Variants in RALYL observed in about 807,000 individuals in gnomAD.
RALYL encodes the protein RALY RNA binding protein like, also known as RNA-binding Raly-like protein.
A neutral mutation model predicts 35.1 loss-of-function variants in RALYL; 29 were observed. The ratio of observed to expected loss-of-function variants is 0.83; its 90% CI spans 0.61 to 1.13. The LOEUF (loss-of-function observed/expected upper bound fraction) is 1.13, where lower values mean the gene tolerates loss of function less well. RALYL is among the 50% of genes most tolerant of loss of function. The probability of loss-of-function intolerance (pLI) is 0.00; values close to 1 mark genes in which losing one functional copy is unlikely to be tolerated. For synonymous variants in RALYL, 120 were observed against 127.6 expected (o/e 0.94, Z 0.40); for missense variants, 359 against 360.4 (o/e 1.00, Z 0.03).
chr8:84,652,522 T>A (rs951467840), intron 2 of RALYL, among the ~76,000 whole-genome samples: 1 of 152,084 alleles, frequency 6.6e-6, no homozygotes, highest in Non-Finnish European at 1.5e-5. Flanking sequence ...GTGAACATAT[T>A]TATTCCTATG....
intron 1 of RALYL, among the ~76,000 whole-genome samples, chr8:84,425,774 G>A (rs2046345146): frequency 7.1e-6 from 1 of 139,930 alleles, no homozygotes; most frequent in Non-Finnish European, 1.5e-5. Flanking sequence ...TAGAAAGCCA[G>A]TTTTTCTTCT....
At chr8:84,660,583 G>T (rs1027133715) in intron 2 of RALYL, among the ~76,000 whole-genome samples, 2 of 151,600 alleles carry the variant, frequency 1.3e-5, no homozygotes, top group African/African-American at 4.8e-5. Context: ...ATAGATTGTG[G>T]TTTTTCATGT....
At chr8:84,674,643 CTTTT>C (rs1241634544) in intron 2 of RALYL, among the ~76,000 whole-genome samples, 1 of 152,152 alleles carries the variant, frequency 6.6e-6, no homozygotes, top group Non-Finnish European at 1.5e-5. Context: ...AAAGGTAATT[CTTTT>C]TATCATTATC....
chr8:84,303,166 T>G (rs1267331733), intron 1 of RALYL, among the ~76,000 whole-genome samples: 1 of 152,212 alleles, frequency 6.6e-6, no homozygotes, highest in Non-Finnish European at 1.5e-5. Flanking sequence ...CATGTTAGTG[T>G]TTATGTCTTT....
chr8:84,249,784 C>CT (rs1157698403), intron 1 of RALYL, among the ~76,000 whole-genome samples: 1 of 151,536 alleles, frequency 6.6e-6, no homozygotes, highest in Admixed American at 6.6e-5. Context: ...GTAGAAGATT[C>CT]TAAGTCCATT....
At chr8:84,218,969 AT>A (rs1413648121) in intron 1 of RALYL, among the ~76,000 whole-genome samples, 9 of 152,104 alleles carry the variant, frequency 5.9e-5, no homozygotes, top group Admixed American at 2.6e-4. Flanking sequence ...CCACATCTGA[AT>A]CATGTTTCAG....
intron 1 of RALYL, among the ~76,000 whole-genome samples, chr8:84,377,065 G>A (rs1380614885): frequency 6.6e-6 from 1 of 151,840 alleles, no homozygotes; most frequent in Non-Finnish European, 1.5e-5. Context: ...TAATAAAATT[G>A]TGGCTGGTAC....
chr8:84,294,527 TAATTCTG>T (rs1159183299), intron 1 of RALYL, among the ~76,000 whole-genome samples: 7 of 152,112 alleles, frequency 4.6e-5, no homozygotes, highest in African/African-American at 1.4e-4. Context: ...GGAAAATTAA[TAATTCTG>T]AAAAACATGC....
chr8:84,883,822 T>C (rs771806982), intron 7 of RALYL, among the ~76,000 whole-genome samples: 2 of 152,062 alleles, frequency 1.3e-5, no homozygotes, highest in African/African-American at 2.4e-5. Context: ...AATTTGTCTA[T>C]AGCAATCAAG....
chr8:84,487,963 G>C (rs554376274), intron 1 of RALYL, among the ~76,000 whole-genome samples: 1 of 152,176 alleles, frequency 6.6e-6, no homozygotes, highest in South Asian at 2.1e-4. Context: ...ACAGAGGAAA[G>C]ATGTTTATAT....
chr8:84,435,996 A>C (rs777546173), intron 1 of RALYL, among the ~76,000 whole-genome samples: 13 of 152,136 alleles, frequency 8.5e-5, no homozygotes, highest in Non-Finnish European at 1.9e-4. Flanking sequence ...GGTACAGTGT[A>C]TACTGCTCAG....
intron 1 of RALYL, among the ~76,000 whole-genome samples, chr8:84,196,681 A>C (rs911903568): frequency 1.3e-5 from 2 of 152,202 alleles, no homozygotes; most frequent in African/African-American, 4.8e-5. Context: ...CTTCAGGGCT[A>C]TGTCATGTTT....
At chr8:84,728,399 G>A (rs868175659) in intron 2 of RALYL, among the ~76,000 whole-genome samples, 4,725 of 151,754 alleles carry the variant, frequency 0.031, 249 homozygotes, top group African/African-American at 0.11. Flanking sequence ...AGAAGGTTGC[G>A]AAAATTTTCT....
chr8:84,197,475 G>T (rs1815610207), intron 1 of RALYL, among the ~76,000 whole-genome samples: 2 of 152,102 alleles, frequency 1.3e-5, no homozygotes, highest in Non-Finnish European at 2.9e-5. Context: ...TTTTTGAGAT[G>T]AATGGTGATA....
intron 4 of RALYL, among the ~76,000 whole-genome samples, chr8:84,841,741 A>T (rs1380407436): frequency 6.6e-6 from 1 of 152,252 alleles, no homozygotes; most frequent in African/African-American, 2.4e-5. Flanking sequence ...CTGCAAATGT[A>T]AAAGAACAGA....
At chr8:84,324,705 G>T (rs73306968) in intron 1 of RALYL, among the ~76,000 whole-genome samples, 1 of 151,682 alleles carries the variant, frequency 6.6e-6, no homozygotes, top group Non-Finnish European at 1.5e-5. Context: ...AATTATTACT[G>T]CTTCCCAAAA....
chr8:84,546,878 T>G (rs1037501824), intron 2 of RALYL, among the ~76,000 whole-genome samples: 1 of 152,194 alleles, frequency 6.6e-6, no homozygotes, highest in South Asian at 2.1e-4. Flanking sequence ...GTTATTTTGG[T>G]TAGGATAGAT....
intron 1 of RALYL, among the ~76,000 whole-genome samples, chr8:84,265,883 A>T (rs567975937): frequency 1.3e-5 from 2 of 151,952 alleles, no homozygotes; most frequent in Non-Finnish European, 2.9e-5. Flanking sequence ...AGTAGTTCCA[A>T]TTCTCATATT....
At chr8:84,495,727 G>T (rs569252641) in intron 1 of RALYL, among the ~76,000 whole-genome samples, 37 of 152,032 alleles carry the variant, frequency 2.4e-4, no homozygotes, top group African/African-American at 8.7e-4. Flanking sequence ...CATTTTTACA[G>T]TCTTAAGCAG....
Sources: gnomAD v4.1 joint callset for allele counts (sites outside exome capture counted in the v4.1 genomes callset) on GRCh38, gnomAD v4.1.1 for gene constraint, MANE v1.5 for transcripts, NCBI Gene and HGNC (gene_info 2026-07-23, HGNC 2026-07-21) for gene names.